Variants in NUP93 observed in about 807,000 individuals in gnomAD.
The protein encoded by NUP93 is nuclear pore complex protein Nup93.
A neutral mutation model predicts 107.8 loss-of-function variants in NUP93; 55 were observed. The ratio of observed to expected loss-of-function variants is 0.51; its 90% CI spans 0.41 to 0.64. The LOEUF (loss-of-function observed/expected upper bound fraction) is 0.64. Ranked by LOEUF, NUP93 falls within the 30% of genes least tolerant of loss-of-function variation. The pLI is 0.00. For missense variants in NUP93, 937 were observed against 1,044.7 expected (o/e 0.90, Z 1.42); for synonymous variants, 390 against 397.5 (o/e 0.98, Z 0.22).
intron 1 of NUP93, among the ~76,000 whole-genome samples, chr16:56,742,280 C>G (rs1961751795): frequency 6.6e-6 from 1 of 152,156 alleles, no homozygotes; most frequent in South Asian, 2.1e-4. Context: ...CACACGGGGG[C>G]CTAGTTAGGG....
intron 3 of NUP93, chr16:56,783,719 G>A (rs1962564009): frequency 2.0e-6 from 2 of 985,392 alleles, no homozygotes. Flanking sequence ...GTATTCTGAA[G>A]GCAGCTGCAA....
At chr16:56,772,575 G>A (rs1962341354) in intron 3 of NUP93, among the ~76,000 whole-genome samples, 1 of 152,208 alleles carries the variant, frequency 6.6e-6, no homozygotes, top group Admixed American at 6.5e-5. Flanking sequence ...TCCCCATCAG[G>A]GGCCTGGAAG....
intron 8 of NUP93, among the ~76,000 whole-genome samples, chr16:56,828,193 T>TTA (rs1744133082): frequency 1.8e-5 from 1 of 56,956 alleles, no homozygotes; most frequent in African/African-American, 7.1e-5. Context: ...ACCCTGCCTC[T>TTA]TAAAAAAAAA....
chr16:56,776,244 A>G (rs1209194570), intron 3 of NUP93, among the ~76,000 whole-genome samples: 3 of 152,068 alleles, frequency 2.0e-5, no homozygotes, highest in Non-Finnish European at 4.4e-5. Context: ...CCTTGTTTAA[A>G]TCGTTGAGGG....
intron 1 of NUP93, among the ~76,000 whole-genome samples, chr16:56,730,815 T>C (rs1440549501): frequency 2.6e-5 from 4 of 152,210 alleles, no homozygotes; most frequent in African/African-American, 9.7e-5. Context: ...TGGGTTTCTT[T>C]TGAAAAAATT....
chr16:56,800,219 A>G (rs562933131), intron 4 of NUP93, among the ~76,000 whole-genome samples: 1 of 152,318 alleles, frequency 6.6e-6, no homozygotes, highest in South Asian at 2.1e-4. Context: ...TTCATTAATT[A>G]TATTGTTGGC....
At chr16:56,731,399 T>A (rs1462704673) in intron 1 of NUP93, among the ~76,000 whole-genome samples, 2 of 151,364 alleles carry the variant, frequency 1.3e-5, no homozygotes, top group African/African-American at 4.9e-5. Flanking sequence ...TTCTTTTCTT[T>A]CCTTTTTTTT....
At chr16:56,832,235 C>A in intron 11 of NUP93, 60 bp from the exon 12 acceptor site, 1 of 1,408,540 alleles carries the variant, frequency 7.1e-7, no homozygotes, top group Non-Finnish European at 1.0e-6. Context: ...AGCTACAACT[C>A]TGTGCATGTG....
intron 3 of NUP93, among the ~76,000 whole-genome samples, chr16:56,762,459 A>G (rs1250680171): frequency 6.6e-6 from 1 of 152,158 alleles, no homozygotes; most frequent in Non-Finnish European, 1.5e-5. Context: ...TTCTAACACA[A>G]ATAAATGATA....
chr16:56,837,853 T>C (rs1391070383), intron 18 of NUP93, 127 bp downstream of exon 18: 1 of 651,160 alleles, frequency 1.5e-6, no homozygotes, highest in African/African-American at 1.8e-5. Flanking sequence ...GTGGTTCTAC[T>C]AACTCACCAT....
intron 17 of NUP93, 117 bp from the exon 18 acceptor site, chr16:56,837,491 A>C: frequency 1.3e-6 from 1 of 741,048 alleles, no homozygotes; most frequent in Non-Finnish European, 2.3e-6. Flanking sequence ...TGAACTTGGG[A>C]GGCGGTAAAA....
intron 1 of NUP93, among the ~76,000 whole-genome samples, chr16:56,736,722 G>A (rs774290406): frequency 2.6e-5 from 4 of 152,206 alleles, no homozygotes; most frequent in Non-Finnish European, 4.4e-5. Flanking sequence ...GGAAACTCAC[G>A]GTTGGAGTTT....
At chr16:56,836,090 C>T (rs1963903686) in intron 16 of NUP93, among the ~76,000 whole-genome samples, 1 of 149,712 alleles carries the variant, frequency 6.7e-6, no homozygotes, top group Non-Finnish European at 1.5e-5. Flanking sequence ...GATTGCGCCA[C>T]TGCACTCCAG....
rs961882329 is a variant in NUP93, at chr16:56,845,606, G to A, written c.*997G>A. 1 of 152,208 alleles carries A rather than the reference G, an allele frequency of 6.6e-6. No individual in the cohort carries two copies. The highest frequency in any genetic ancestry group is 1.5e-5 in the Non-Finnish European group (1 of 68,046). 9.4% of individuals were successfully genotyped at this position (152,208 alleles called of 1,614,324 possible). On this transcript the variant is annotated 3_prime_UTR_variant, in exon 22 of 22. Transcript: ENST00000308159. ...TCCCAAAGCCCTAGACTAAACCAGA[G>A]AGCAAATTAGGTCGTGTTTGTTCCT...
At chr16:56,771,937 T>G (rs1226637017) in intron 3 of NUP93, among the ~76,000 whole-genome samples, 1 of 152,250 alleles carries the variant, frequency 6.6e-6, no homozygotes, top group African/African-American at 2.4e-5. Context: ...AAAGATTTTT[T>G]GGTTTTGTTT....
chr16:56,754,842 G>A (rs12930414), intron 2 of NUP93, among the ~76,000 whole-genome samples: 35,279 of 152,130 alleles, frequency 0.23, 4,392 homozygotes, highest in Non-Finnish European at 0.27. Flanking sequence ...CCCTGTAGCC[G>A]ACTTCTGCCT....
At chr16:56,783,995 T>TAA in intron 3 of NUP93, 1 of 611,218 alleles carries the variant, frequency 1.6e-6, no homozygotes, top group Non-Finnish European at 2.0e-6. Context: ...GGTTCTGCGT[T>TAA]ACACTGGATT....
At chr16:56,738,895 T>A (rs1200261350) in intron 1 of NUP93, among the ~76,000 whole-genome samples, 1 of 151,826 alleles carries the variant, frequency 6.6e-6, no homozygotes, top group East Asian at 1.9e-4. Context: ...CATAGTCTGA[T>A]TAATAAGGTT....
intron 21 of NUP93, among the ~76,000 whole-genome samples, chr16:56,843,973 G>A (rs756358735): frequency 3.9e-5 from 6 of 152,150 alleles, no homozygotes; most frequent in Non-Finnish European, 7.3e-5. Context: ...CATGTATGTC[G>A]GGAAGGGAGA....
Sources: allele counts gnomAD v4.1 joint callset (sites outside exome capture counted in the v4.1 genomes callset), GRCh38; gene constraint gnomAD v4.1.1; transcripts MANE v1.5; gene names NCBI Gene and HGNC (gene_info 2026-07-23, HGNC 2026-07-21).